Variants in MSI2 observed in about 807,000 individuals in gnomAD.
MSI2 encodes musashi RNA binding protein 2.
MSI2 carries 17 observed loss-of-function variants against 45.6 expected under a neutral mutation model. The observed-to-expected ratio is 0.37, with a 90% CI of 0.26 to 0.56. MSI2 has a LOEUF of 0.56. Ranked by LOEUF, MSI2 falls within the 20% of genes least tolerant of loss-of-function variation. The pLI is 0.77. For synonymous variants in MSI2, 156 were observed against 158.2 expected, an observed-to-expected ratio of 0.99 and a Z score of 0.11; for missense variants, 293 against 444.2, an observed-to-expected ratio of 0.66 and a Z score of 3.06.
chr17:57,678,989 T>C lies in MSI2; in HGVS notation c.*32-560T>C, dbSNP rs191993990. ...TCTGTGAATCCTGGGCCTGTTTTTG[T>C]TTCCTGTAACCAAAGCCGGTTATTT... is the stretch of plus-strand genomic sequence containing the variant. On this transcript the variant is annotated intron_variant, in intron 13 of 13. Coordinates refer to ENST00000284073, the MANE Select transcript of MSI2 (RefSeq NM_138962.4). Among the ~76,000 whole-genome samples, 16 of 152,342 alleles carry C rather than the reference T, an allele frequency of 1.1e-4. 1 individual carries two copies. The East Asian group carries it at 3.1e-3, about 29-fold the overall frequency.
In MSI2 at chr17:57,529,199, G is replaced by C. The variant is rs1229480129; in HGVS notation, c.406-477G>C. 6.6e-6 allele frequency among the ~76,000 whole-genome samples: 1 copy of C among 152,072 alleles called. No individual in the cohort carries two copies. Among genetic ancestry groups the C allele is most frequent in the Non-Finnish European group, 1.5e-5 (1 of 68,010 alleles). On this transcript the variant is annotated intron_variant, in intron 6 of 13. Transcript: ENST00000284073. The surrounding 1 kb of genome is among the most constrained non-coding windows in gnomAD (Gnocchi z 5.3). ...ACCTATAATCTCAGCGCTTTGAAAG[G>C]CTGCTGCAGGAGGATCACTTGAGCC...
chr17:57,441,612 C>G (rs1443803343), intron 6 of MSI2, among the ~76,000 whole-genome samples: 3 of 152,178 alleles, frequency 2.0e-5, no homozygotes, highest in Non-Finnish European at 2.9e-5. Flanking sequence ...AAGACAAAGT[C>G]CCTCTGTGAG....
intron 5 of MSI2, among the ~76,000 whole-genome samples, chr17:57,388,625 G>A (rs1001156834): frequency 1.3e-5 from 2 of 152,098 alleles, no homozygotes; most frequent in Admixed American, 1.3e-4. Context: ...AGATCACCCA[G>A]CCTCCCCACC....
chr17:57,633,180 T>C (rs1909559639), intron 10 of MSI2: 1 of 1,015,504 alleles, frequency 9.8e-7, no homozygotes, highest in Non-Finnish European at 1.2e-6. Context: ...TTGTTTACCA[T>C]GGACATACTG....
chr17:57,268,407 TAGTTCAGA>T (rs1177931781), intron 5 of MSI2: 1 of 152,098 alleles, frequency 6.6e-6, no homozygotes, highest in Non-Finnish European at 1.5e-5. Context: ...CCACTTTCAG[TAGTTCAGA>T]AATTATTTAC....
intron 5 of MSI2, among the ~76,000 whole-genome samples, chr17:57,329,322 A>G (rs1914066497): frequency 6.6e-6 from 1 of 152,234 alleles, no homozygotes; most frequent in Non-Finnish European, 1.5e-5. Context: ...AGACAAGTAA[A>G]TAATTTTTTT....
intron 6 of MSI2, among the ~76,000 whole-genome samples, chr17:57,494,587 C>T (rs181180926): frequency 7.2e-5 from 11 of 152,196 alleles, no homozygotes; most frequent in African/African-American, 2.4e-4. Context: ...CATAAAATAA[C>T]CTGCTTTGAG....
intron 6 of MSI2, among the ~76,000 whole-genome samples, chr17:57,473,842 A>C (rs2085486811): frequency 6.6e-6 from 1 of 152,232 alleles, no homozygotes; most frequent in Non-Finnish European, 1.5e-5. Flanking sequence ...GAAGGTGGCC[A>C]GTGGCTGGGA....
intron 5 of MSI2, among the ~76,000 whole-genome samples, chr17:57,341,577 C>T (rs151180019): frequency 6.6e-6 from 1 of 152,212 alleles, no homozygotes; most frequent in Admixed American, 6.5e-5. Context: ...CTCTTTCACT[C>T]CCTGGTACAT....
At chr17:57,430,346 C>G (rs1305605237) in intron 6 of MSI2, among the ~76,000 whole-genome samples, 1 of 152,128 alleles carries the variant, frequency 6.6e-6, no homozygotes, top group Non-Finnish European at 1.5e-5. Flanking sequence ...AAATCTCAGT[C>G]CGCCTTCTTT....
chr17:57,430,399 A>G (rs994817921), intron 6 of MSI2, among the ~76,000 whole-genome samples: 3 of 152,074 alleles, frequency 2.0e-5, no homozygotes, highest in African/African-American at 7.3e-5. Flanking sequence ...CAGTGTCCAC[A>G]CTGCCCCTGG....
chr17:57,406,096 C>G (rs1456990219), intron 6 of MSI2, among the ~76,000 whole-genome samples: 1 of 152,156 alleles, frequency 6.6e-6, no homozygotes, highest in Non-Finnish European at 1.5e-5. Flanking sequence ...TTGTCAAAAA[C>G]GTTGATATAC....
chr17:57,375,761 G>A (rs185726783), intron 5 of MSI2, among the ~76,000 whole-genome samples: 18 of 152,318 alleles, frequency 1.2e-4, no homozygotes, highest in Non-Finnish European at 2.2e-4. Context: ...GGAATGGGGA[G>A]TGGTGTTGAG....
intron 7 of MSI2, among the ~76,000 whole-genome samples, chr17:57,594,238 C>T (rs1905087033): frequency 6.6e-6 from 1 of 152,210 alleles, no homozygotes; most frequent in South Asian, 2.1e-4. Context: ...GCCACCCCTC[C>T]CTCCCTGTGG....
At chr17:57,462,023 A>C (rs2085240141) in intron 6 of MSI2, among the ~76,000 whole-genome samples, 1 of 152,188 alleles carries the variant, frequency 6.6e-6, no homozygotes, top group Non-Finnish European at 1.5e-5. Flanking sequence ...CCAGAAGTCC[A>C]AGATAAGGGT....
At chr17:57,608,335 A>G (rs1448256270) in intron 8 of MSI2, 1 of 152,372 alleles carries the variant, frequency 6.6e-6, no homozygotes, top group East Asian at 1.9e-4. Context: ...CCTGGAGCAG[A>G]TGTTAGAACT....
At chr17:57,285,840 T>C in intron 5 of MSI2, 1 of 1,457,234 alleles carries the variant, frequency 6.9e-7, no homozygotes, top group Non-Finnish European at 9.0e-7. Flanking sequence ...CTCCTACCAC[T>C]CACTTTCTGT....
At chr17:57,656,867 C>T (rs948198874) in intron 11 of MSI2, among the ~76,000 whole-genome samples, 2 of 152,208 alleles carry the variant, frequency 1.3e-5, no homozygotes, top group Non-Finnish European at 2.9e-5. Flanking sequence ...GCCATCTTCC[C>T]TACATTTGTG....
chr17:57,381,821 A>C (rs1022511733), intron 5 of MSI2, among the ~76,000 whole-genome samples: 2 of 152,228 alleles, frequency 1.3e-5, no homozygotes, highest in African/African-American at 4.8e-5. Flanking sequence ...GCTCACAAGA[A>C]AAGGCTTGAG....
Sources: allele counts gnomAD v4.1 joint callset (sites outside exome capture counted in the v4.1 genomes callset), GRCh38; gene constraint gnomAD v4.1.1; non-coding constraint Gnocchi (gnomAD v3.1); transcripts MANE v1.5; gene names NCBI Gene and HGNC (gene_info 2026-07-23, HGNC 2026-07-21).